The following GALNT17 variants were observed in gnomAD, a reference collection of about 807,000 sequenced individuals.
GALNT17 encodes UDP-GalNAc:polypeptide N-acetylgalactosaminyltransferase-like 3.
In GALNT17, 29 loss-of-function variants were observed where a neutral mutation model predicts 63.7. The observed-to-expected ratio is 0.46, with a 90% CI of 0.34 to 0.62. The LOEUF is 0.62. GALNT17 is among the 20% of genes least tolerant of loss of function. GALNT17 has a pLI of 0.01. For missense variants in GALNT17, 603 were observed against 799.6 expected (o/e 0.75, Z 2.97); for synonymous variants, 305 against 318.3 (o/e 0.96, Z 0.45).
At chr7:71,178,274 A>G (rs192053339) in intron 1 of GALNT17, among the ~76,000 whole-genome samples, 2 of 152,234 alleles carry the variant, frequency 1.3e-5, no homozygotes, top group East Asian at 3.9e-4. Context: ...TAAGTTCATT[A>G]TCATTTGTAT....
intron 1 of GALNT17, among the ~76,000 whole-genome samples, chr7:71,265,628 G>A (rs1790479650): frequency 6.6e-6 from 1 of 152,164 alleles, no homozygotes; most frequent in Admixed American, 6.5e-5. Flanking sequence ...GAGGCCCAAA[G>A]TGTTCTCTTC....
intron 5 of GALNT17, among the ~76,000 whole-genome samples, chr7:71,433,759 C>T (rs758577253): frequency 8.5e-5 from 13 of 152,114 alleles, no homozygotes; most frequent in Non-Finnish European, 1.9e-4. Context: ...AATTTAGAAA[C>T]CAAGTCTGAT....
chr7:71,308,136 G>C (rs987531303), intron 1 of GALNT17, among the ~76,000 whole-genome samples: 3 of 152,072 alleles, frequency 2.0e-5, no homozygotes, highest in Admixed American at 2.0e-4. Context: ...ATAGGAGCAA[G>C]GAAACAAAGT....
intron 6 of GALNT17, among the ~76,000 whole-genome samples, chr7:71,573,591 C>A (rs1344834301): frequency 6.6e-6 from 1 of 152,168 alleles, no homozygotes; most frequent in Non-Finnish European, 1.5e-5. Context: ...ACCTCAGCCT[C>A]CCAAAGTGCT....
intron 1 of GALNT17, among the ~76,000 whole-genome samples, chr7:71,335,329 G>A (rs142273727): frequency 6.0e-4 from 92 of 152,098 alleles, no homozygotes; most frequent in Non-Finnish European, 1.1e-3. Context: ...GACAGAGGGA[G>A]AGGATTCTAA....
chr7:71,190,046 T>G (rs1178201439), intron 1 of GALNT17, among the ~76,000 whole-genome samples: 1 of 152,022 alleles, frequency 6.6e-6, no homozygotes, highest in Non-Finnish European at 1.5e-5. Context: ...CACCTGACCT[T>G]GTGATCTGCC....
At chr7:71,377,073 G>A (rs1447552137) in intron 2 of GALNT17, among the ~76,000 whole-genome samples, 4 of 104,824 alleles carry the variant, frequency 3.8e-5, no homozygotes, top group Non-Finnish European at 7.1e-5. Flanking sequence ...GCAACAGAGC[G>A]ATATTCCATC....
intron 6 of GALNT17, among the ~76,000 whole-genome samples, chr7:71,652,796 A>G (rs1327732833): frequency 1.3e-5 from 2 of 152,208 alleles, no homozygotes; most frequent in African/African-American, 4.8e-5. Context: ...TCAGAGACAC[A>G]TGCTCCAGAG....
intron 1 of GALNT17, among the ~76,000 whole-genome samples, chr7:71,173,244 G>A (rs942770215): frequency 6.6e-6 from 1 of 152,092 alleles, no homozygotes; most frequent in Non-Finnish European, 1.5e-5. Flanking sequence ...TCAGGGTTTG[G>A]CAGAATGGTT....
intron 1 of GALNT17, among the ~76,000 whole-genome samples, chr7:71,184,989 T>TTCCTTCTTCCTTCCCTCCCTCCC (rs1788815670): frequency 8.1e-6 from 1 of 123,770 alleles, no homozygotes. Context: ...CCTTCCTTCC[T>TTCCTTCTTCCTTCCCTCCCTCCC]TCCTTCCTTC....
At chr7:71,554,520 G>T (rs1242779528) in intron 5 of GALNT17, among the ~76,000 whole-genome samples, 2 of 152,068 alleles carry the variant, frequency 1.3e-5, no homozygotes, top group South Asian at 2.1e-4. Flanking sequence ...TTCGCCTGGG[G>T]TACTCAGGAA....
At chr7:71,372,401 G>C (rs1415780566) in intron 2 of GALNT17, among the ~76,000 whole-genome samples, 1 of 152,164 alleles carries the variant, frequency 6.6e-6, no homozygotes, top group Non-Finnish European at 1.5e-5. Context: ...CTGACCTCAA[G>C]TGATCCACCT....
At chr7:71,514,936 TA>T (rs1189181238) in intron 5 of GALNT17, among the ~76,000 whole-genome samples, 2 of 152,174 alleles carry the variant, frequency 1.3e-5, no homozygotes, top group Non-Finnish European at 2.9e-5. Context: ...GTTTCTCCCA[TA>T]CTGTTCTTGT....
intron 1 of GALNT17, among the ~76,000 whole-genome samples, chr7:71,162,137 C>T (rs1025572262): frequency 7.4e-6 from 1 of 135,776 alleles, no homozygotes; most frequent in African/African-American, 2.8e-5. Context: ...TCCTTCCTTC[C>T]TTCCTTCCTT....
chr7:71,503,739 A>C (rs1185397356), intron 5 of GALNT17, among the ~76,000 whole-genome samples: 1 of 152,174 alleles, frequency 6.6e-6, no homozygotes, highest in Non-Finnish European at 1.5e-5. Flanking sequence ...GAGACAGATG[A>C]TGTTCCTGCC....
At chr7:71,701,841 G>GTA (rs1162863409) in intron 9 of GALNT17, among the ~76,000 whole-genome samples, 1 of 10,776 alleles carries the variant, frequency 9.3e-5, no homozygotes. Context: ...ATATATATAT[G>GTA]TGTATATATA....
intron 2 of GALNT17, among the ~76,000 whole-genome samples, chr7:71,374,416 C>T (rs910525268): frequency 4.6e-5 from 7 of 152,224 alleles, no homozygotes; most frequent in Non-Finnish European, 8.8e-5. Context: ...AGCTGGGGGC[C>T]GCCTTTCTGC....
chr7:71,481,168 C>G (rs184338318), intron 5 of GALNT17, among the ~76,000 whole-genome samples: 1 of 152,056 alleles, frequency 6.6e-6, no homozygotes, highest in Non-Finnish European at 1.5e-5. Context: ...GGGTGTGGGC[C>G]GGGCACAGTG....
chr7:71,132,827 GT>G lies in GALNT17; in HGVS notation c.26del (p.Val9GlyfsTer5). ...GATGGCTTCACTGAGAAGAGTCAAA[GT>G]GCTGTTGGTGTTGAACTTGATCGCG... is the stretch of plus-strand genomic sequence containing the variant. Reference protein sequence around the residue: MASLRRVKVLLVLNLIAVA... With the variant: MASLRRVKXLLVLNLIAVA... On this transcript the variant is annotated frameshift_variant, in exon 1 of 11. Coordinates refer to ENST00000333538, the MANE Select transcript of GALNT17 (RefSeq NM_022479.3). LOFTEE classifies it high-confidence loss of function. 1 of 1,610,862 alleles carries G rather than the reference GT, an allele frequency of 6.2e-7. No homozygotes were observed. The highest frequency in any genetic ancestry group is 8.5e-7 in the Non-Finnish European group (1 of 1,178,372).
Sources: gnomAD v4.1 joint callset for allele counts (sites outside exome capture counted in the v4.1 genomes callset) on GRCh38, gnomAD v4.1.1 for gene constraint, MANE v1.5 for transcripts, NCBI Gene and HGNC (gene_info 2026-07-23, HGNC 2026-07-21) for gene names.